The following SEMA5A variants were observed in gnomAD, a reference collection of about 807,000 sequenced individuals.
SEMA5A encodes the protein semaphorin-5A.
A neutral mutation model predicts 135.5 loss-of-function variants in SEMA5A; 55 were observed. The ratio of observed to expected loss-of-function variants is 0.41; its 90% CI spans 0.33 to 0.51. The LOEUF is 0.51. Among genes scored for constraint, SEMA5A ranks in the 20% least tolerant of loss-of-function variants. The pLI is 0.37. For missense variants in SEMA5A, 1,290 were observed against 1,419.9 expected, an observed-to-expected ratio of 0.91 and a Z score of 1.47; for synonymous variants, 580 against 546.5, an observed-to-expected ratio of 1.06 and a Z score of -0.85.
At chr5:9,388,134 G>A (rs772396681) in intron 2 of SEMA5A, among the ~76,000 whole-genome samples, 1 of 152,110 alleles carries the variant, frequency 6.6e-6, no homozygotes, top group Non-Finnish European at 1.5e-5. Flanking sequence ...TGAACTCAGA[G>A]GAGATGGAAT....
intron 2 of SEMA5A, among the ~76,000 whole-genome samples, chr5:9,404,124 C>T (rs138169852): frequency 5.5e-4 from 83 of 151,946 alleles, no homozygotes; most frequent in African/African-American, 1.9e-3. Flanking sequence ...AGTAGAGATG[C>T]GGTTTCACCA....
At chr5:9,441,767 C>G (rs1247265006) in intron 1 of SEMA5A, among the ~76,000 whole-genome samples, 1 of 152,062 alleles carries the variant, frequency 6.6e-6, no homozygotes, top group Non-Finnish European at 1.5e-5. Context: ...GCATGTGCCA[C>G]GATGACTACC....
intron 21 of SEMA5A, among the ~76,000 whole-genome samples, chr5:9,047,465 G>A (rs887115630): frequency 3.3e-5 from 5 of 152,090 alleles, no homozygotes; most frequent in Admixed American, 6.6e-5. Flanking sequence ...AATTTCTTCT[G>A]ATTTTCTGCA....
At chr5:9,541,904 T>A (rs754624154) in intron 1 of SEMA5A, among the ~76,000 whole-genome samples, 2 of 152,226 alleles carry the variant, frequency 1.3e-5, no homozygotes, top group African/African-American at 4.8e-5. Flanking sequence ...CTGTCAATAC[T>A]AGTATGTTGA....
chr5:9,262,896 T>TA (rs200691633), intron 5 of SEMA5A, among the ~76,000 whole-genome samples: 13,530 of 114,896 alleles, frequency 0.12, 902 homozygotes, highest in East Asian at 0.26. Context: ...TAGATTATAA[T>TA]AAAAAAAAAA....
chr5:9,375,577 G>C (rs537808359), intron 3 of SEMA5A, among the ~76,000 whole-genome samples: 1 of 149,648 alleles, frequency 6.7e-6, no homozygotes, highest in Non-Finnish European at 1.5e-5. Context: ...ACTGTAAGAA[G>C]AGACAATTAG....
At chr5:9,482,307 T>A (rs192886715) in intron 1 of SEMA5A, among the ~76,000 whole-genome samples, 1 of 152,220 alleles carries the variant, frequency 6.6e-6, no homozygotes, top group Admixed American at 6.5e-5. Context: ...AGCACAATTA[T>A]GGGGTCTGAG....
Position 9,303,901 on chromosome 5 carries a change from T to C in SEMA5A, c.270+14471A>G, listed in dbSNP as rs143389061. Among the ~76,000 whole-genome samples, 850 of 152,284 alleles carry C rather than the reference T, an allele frequency of 5.6e-3. 7 individuals are homozygous for C. Among genetic ancestry groups the C allele is most frequent in the African/African-American group, 0.019 (793 of 41,568 alleles). On this transcript the variant is annotated intron_variant, in intron 5 of 22. Transcript: ENST00000382496. ...GCTTTTAGCATTACCCTCAAAGACA[T>C]ACAGAAGGGAAACAATGAGCATTTC...
intron 12 of SEMA5A, among the ~76,000 whole-genome samples, chr5:9,139,753 T>C (rs1741962098): frequency 6.6e-6 from 1 of 152,222 alleles, no homozygotes; most frequent in Admixed American, 6.5e-5. Context: ...TATGAACACT[T>C]TTCTTTATAG....
intron 11 of SEMA5A, among the ~76,000 whole-genome samples, chr5:9,158,816 C>T (rs978769865): frequency 6.6e-6 from 1 of 152,116 alleles, no homozygotes; most frequent in Non-Finnish European, 1.5e-5. Flanking sequence ...GGTTATTATT[C>T]AAAAGACACA....
chr5:9,170,344 A>C (rs932303716), intron 11 of SEMA5A, among the ~76,000 whole-genome samples: 11 of 152,212 alleles, frequency 7.2e-5, no homozygotes, highest in Admixed American at 4.6e-4. Flanking sequence ...CATGCATGTC[A>C]CTAGTACTTT....
At chr5:9,463,122 T>C (rs1196677320) in intron 1 of SEMA5A, among the ~76,000 whole-genome samples, 1 of 152,140 alleles carries the variant, frequency 6.6e-6, no homozygotes, top group African/African-American at 2.4e-5. Context: ...AAAAGACTCA[T>C]CTTGTGGGAA....
At chr5:9,402,991 C>T (rs1756729433) in intron 2 of SEMA5A, among the ~76,000 whole-genome samples, 1 of 152,196 alleles carries the variant, frequency 6.6e-6, no homozygotes, top group Non-Finnish European at 1.5e-5. Flanking sequence ...GTCCTCTTTG[C>T]ACCAACAATT....
At chr5:9,131,760 A>AG (rs1741447797) in intron 13 of SEMA5A, among the ~76,000 whole-genome samples, 1 of 151,604 alleles carries the variant, frequency 6.6e-6, no homozygotes, top group Non-Finnish European at 1.5e-5. Flanking sequence ...ACCTCCCACC[A>AG]GGTCCCAACT....
intron 5 of SEMA5A, among the ~76,000 whole-genome samples, chr5:9,288,258 T>G (rs1383931198): frequency 6.6e-6 from 1 of 152,148 alleles, no homozygotes; most frequent in Non-Finnish European, 1.5e-5. Flanking sequence ...GAGTTCCCAG[T>G]GGCTACTAAG....
chr5:9,150,510 T>A (rs1276937025), intron 12 of SEMA5A, among the ~76,000 whole-genome samples: 2 of 152,230 alleles, frequency 1.3e-5, no homozygotes, highest in Non-Finnish European at 2.9e-5. Context: ...ACAATTTTTT[T>A]ACTCGTCTTT....
chr5:9,474,656 G>A (rs1355724133), intron 1 of SEMA5A, among the ~76,000 whole-genome samples: 1 of 152,206 alleles, frequency 6.6e-6, no homozygotes, highest in Non-Finnish European at 1.5e-5. Flanking sequence ...CGTGATTGCA[G>A]AATCATTTCC....
chr5:9,381,028 G>A (rs1265954510), intron 2 of SEMA5A, among the ~76,000 whole-genome samples: 2 of 152,198 alleles, frequency 1.3e-5, no homozygotes, highest in African/African-American at 2.4e-5. Flanking sequence ...CTCGATCTAG[G>A]AAGTTTAAAG....
intron 3 of SEMA5A, among the ~76,000 whole-genome samples, chr5:9,371,552 A>G (rs181933404): frequency 1.3e-3 from 199 of 152,344 alleles, no homozygotes; most frequent in East Asian, 8.9e-3. Context: ...GAAAACTGAC[A>G]ATATATTTTA....
Sources: gnomAD v4.1 joint callset for allele counts (sites outside exome capture counted in the v4.1 genomes callset) on GRCh38, gnomAD v4.1.1 for gene constraint, MANE v1.5 for transcripts, NCBI Gene and HGNC (gene_info 2026-07-23, HGNC 2026-07-21) for gene names.